The following DCDC2 variants were observed in gnomAD, a reference collection of about 807,000 sequenced individuals.
The protein encoded by DCDC2 is doublecortin domain containing 2, also known as doublecortin domain-containing protein 2.
Under a neutral mutation model 50.2 loss-of-function variants are expected in DCDC2, and 40 were observed. The ratio of observed to expected loss-of-function variants is 0.80; its 90% CI spans 0.62 to 1.04. DCDC2 has a LOEUF of 1.04. Among genes scored for constraint, DCDC2 ranks in the 50% least tolerant of loss-of-function variants. DCDC2 has a pLI of 0.00. For synonymous variants in DCDC2, 234 were observed against 210.6 expected, an observed-to-expected ratio of 1.11 and a Z score of -0.96; for missense variants, 570 against 581.9, an observed-to-expected ratio of 0.98 and a Z score of 0.21.
At chr6:24,301,923 C>T (rs1251638961) in intron 3 of DCDC2, 45 bp downstream of exon 3, 4 of 1,611,676 alleles carry the variant, frequency 2.5e-6, no homozygotes, top group Non-Finnish European at 3.4e-6. Context: ...CAAAAGGAAA[C>T]CACCAAGCCA....
intron 2 of DCDC2, among the ~76,000 whole-genome samples, chr6:24,304,736 C>G (rs1759440136): frequency 6.6e-6 from 1 of 152,132 alleles, no homozygotes; most frequent in African/African-American, 2.4e-5. Context: ...TCTTCAGCAC[C>G]TTGCTTTTTT....
rs529539173 is a variant in DCDC2 at position 24,328,093 on chromosome 6, T to G, written c.348+25476A>C. ...AAGAAGAGTTTCTGTGTCCGAGATA[T>G]CTAATAAATGTTATTTGCTCAAGAA... On this transcript the variant is annotated intron_variant, in intron 2 of 9. Coordinates refer to ENST00000378454, the MANE Select transcript of DCDC2 (RefSeq NM_016356.5). 5.4e-4 allele frequency among the ~76,000 whole-genome samples: 82 copies of G among 152,330 alleles called. No individual in the cohort carries two copies. The South Asian group carries it at 0.015, about 28-fold the overall frequency.
At chr6:24,178,728 G>C (rs1200407828) in intron 8 of DCDC2, 96 bp from the exon 9 acceptor site, 1 of 1,245,906 alleles carries the variant, frequency 8.0e-7, no homozygotes, top group Non-Finnish European at 1.1e-6. Flanking sequence ...TTACAGTCAA[G>C]TAAAACATTC....
At chr6:24,209,478 T>C (rs991814092) in intron 7 of DCDC2, among the ~76,000 whole-genome samples, 1 of 152,158 alleles carries the variant, frequency 6.6e-6, no homozygotes, top group Non-Finnish European at 1.5e-5. Context: ...TTAGTGTCAC[T>C]TGGGATTTTC....
intron 2 of DCDC2, among the ~76,000 whole-genome samples, chr6:24,352,501 G>A (rs921967922): frequency 6.6e-6 from 1 of 152,114 alleles, no homozygotes; most frequent in Non-Finnish European, 1.5e-5. Context: ...TCAATTTGAT[G>A]CACTGAAAAT....
chr6:24,237,233 G>A (rs1762463719), intron 7 of DCDC2, among the ~76,000 whole-genome samples: 1 of 150,742 alleles, frequency 6.6e-6, no homozygotes, highest in Non-Finnish European at 1.5e-5. Flanking sequence ...GTGGAAGGAG[G>A]GACAGAATCA....
intron 2 of DCDC2, among the ~76,000 whole-genome samples, chr6:24,348,318 T>C (rs941484652): frequency 2.0e-5 from 3 of 152,202 alleles, no homozygotes; most frequent in Admixed American, 6.5e-5. Context: ...AGGGGTTGTA[T>C]GAGATAAGAG....
At chr6:24,176,863 T>C (rs939551346) in intron 9 of DCDC2, among the ~76,000 whole-genome samples, 2 of 152,254 alleles carry the variant, frequency 1.3e-5, no homozygotes, top group Non-Finnish European at 1.5e-5. Flanking sequence ...TCATATGGTA[T>C]GTGTCTTTCT....
chr6:24,231,872 G>A (rs116710348), intron 7 of DCDC2, among the ~76,000 whole-genome samples: 2,187 of 152,066 alleles, frequency 0.014, 15 homozygotes, highest in Middle Eastern at 0.044. Context: ...CTTCTCCTCT[G>A]AATATTTCCC....
intron 2 of DCDC2, among the ~76,000 whole-genome samples, chr6:24,344,083 C>A (rs553191786): frequency 2.4e-4 from 36 of 152,246 alleles, no homozygotes; most frequent in African/African-American, 8.4e-4. Flanking sequence ...CAAACTGAAT[C>A]TTTGTACCCT....
At position 24,173,803 on chromosome 6, in the gene DCDC2, C is replaced by G. The variant is rs1760837769; in HGVS notation, c.*927G>C. On this transcript the variant is annotated 3_prime_UTR_variant, in exon 10 of 10. Transcript: ENST00000378454. Reference sequence around the variant, plus strand: ...CAAAAAACAAGTTAAATTGAGCAGTCACAAACTCTTCATATAGTCTACTTT... The same window carrying G: ...CAAAAAACAAGTTAAATTGAGCAGTGACAAACTCTTCATATAGTCTACTTT... 1 of 152,194 alleles carries G rather than the reference C, an allele frequency of 6.6e-6. No individual in the cohort carries two copies. Among genetic ancestry groups the G allele is most frequent in the African/African-American group, 2.4e-5 (1 of 41,446 alleles). The allele number at this position is 152,194 out of a possible 1,614,324, so 9.4% of individuals were successfully genotyped here. A position where few individuals can be genotyped will look rare whatever the true frequency, so the allele number is the denominator to read the frequency against.
intron 2 of DCDC2, among the ~76,000 whole-genome samples, chr6:24,330,527 T>C (rs1262622644): frequency 2.0e-5 from 3 of 152,158 alleles, no homozygotes; most frequent in Non-Finnish European, 4.4e-5. Context: ...CAGAAAACCT[T>C]TTAAAATGGA....
At chr6:24,193,647 CTAAGAA>C (rs1424327992) in intron 8 of DCDC2, among the ~76,000 whole-genome samples, 1 of 151,762 alleles carries the variant, frequency 6.6e-6, no homozygotes, top group Non-Finnish European at 1.5e-5. Context: ...AATGGTTCAA[CTAAGAA>C]TAACATTTAC....
chr6:24,177,366 C>T (rs1028849026), intron 9 of DCDC2, among the ~76,000 whole-genome samples: 1 of 152,190 alleles, frequency 6.6e-6, no homozygotes, highest in Non-Finnish European at 1.5e-5. Flanking sequence ...GAACATTTTG[C>T]ATTTTGCCAC....
rs947877263 is a variant in DCDC2, at chr6:24,173,249, G to A, written c.*1481C>T. On this transcript the variant is annotated 3_prime_UTR_variant, in exon 10 of 10. Transcript: ENST00000378454. Reference sequence around the variant, plus strand: ...CTCTCTGTTTACACTTCTGATCTGTGGAAAATACCAAAATCATATTAAGAA... The same window carrying A: ...CTCTCTGTTTACACTTCTGATCTGTAGAAAATACCAAAATCATATTAAGAA... 1 of 151,666 alleles carries A rather than the reference G, an allele frequency of 6.6e-6. No individual in the cohort carries two copies. Among genetic ancestry groups the A allele is most frequent in the Non-Finnish European group, 1.5e-5 (1 of 67,936 alleles). 9.4% of individuals were successfully genotyped at this position (151,666 alleles called of 1,614,324 possible).
intron 2 of DCDC2, among the ~76,000 whole-genome samples, chr6:24,349,691 G>A (rs1760329980): frequency 6.6e-6 from 1 of 152,180 alleles, no homozygotes; most frequent in African/African-American, 2.4e-5. Flanking sequence ...ACAAGGAGAT[G>A]AGTTACCACG....
intron 7 of DCDC2, among the ~76,000 whole-genome samples, chr6:24,208,681 C>T (rs1366121972): frequency 6.6e-6 from 1 of 152,096 alleles, no homozygotes; most frequent in Non-Finnish European, 1.5e-5. Flanking sequence ...CTCTGCACTA[C>T]TTTTTCCTCC....
At chr6:24,327,029 T>C (rs952450436) in intron 2 of DCDC2, among the ~76,000 whole-genome samples, 3 of 149,496 alleles carry the variant, frequency 2.0e-5, no homozygotes, top group African/African-American at 7.3e-5. Flanking sequence ...GCTCAGCACC[T>C]GGCAAATTGG....
chr6:24,292,074 T>G (rs563213929), intron 4 of DCDC2, among the ~76,000 whole-genome samples: 1 of 152,282 alleles, frequency 6.6e-6, no homozygotes, highest in East Asian at 1.9e-4. Context: ...CACAGTAACC[T>G]TCCTTTACTG....
Sources: allele counts gnomAD v4.1 joint callset (sites outside exome capture counted in the v4.1 genomes callset), GRCh38; gene constraint gnomAD v4.1.1; transcripts MANE v1.5; gene names NCBI Gene and HGNC (gene_info 2026-07-23, HGNC 2026-07-21).